Variants in OPRD1 observed in about 807,000 individuals in gnomAD.
The protein encoded by OPRD1 is delta-type opioid receptor.
In OPRD1, 19 loss-of-function variants were observed where a neutral mutation model predicts 17.5. That is an observed-to-expected ratio of 1.09 (90% CI 0.76 to 1.60). The LOEUF (loss-of-function observed/expected upper bound fraction) is 1.60, where lower values mean the gene tolerates loss of function less well. Ranked by LOEUF, OPRD1 falls within the 40% of genes most tolerant of loss-of-function variation. The probability of loss-of-function intolerance (pLI) is 0.00; values close to 1 mark genes in which losing one functional copy is unlikely to be tolerated. For missense variants in OPRD1, 483 were observed against 547.2 expected (o/e 0.88, Z 1.17); for synonymous variants, 256 against 240.9 (o/e 1.06, Z -0.58).
intron 1 of OPRD1, among the ~76,000 whole-genome samples, chr1:28,835,313 G>A (rs2236856): frequency 0.28 from 42,342 of 152,034 alleles, 6,163 homozygotes; most frequent in Middle Eastern, 0.42. Context: ...TGAGGTGAAC[G>A]AGGCATCTGT....
intron 1 of OPRD1, among the ~76,000 whole-genome samples, chr1:28,856,868 T>G (rs919974802): frequency 6.6e-6 from 1 of 152,166 alleles, no homozygotes; most frequent in Admixed American, 6.5e-5. Context: ...CCCTGTCACC[T>G]GCTCCGCTTC....
At chr1:28,848,800 G>A (rs987604824) in intron 1 of OPRD1, among the ~76,000 whole-genome samples, 2 of 152,148 alleles carry the variant, frequency 1.3e-5, no homozygotes, top group African/African-American at 2.4e-5. Context: ...AAATCACCTC[G>A]CCTCTTGTGT....
chr1:28,849,776 G>A (rs1272989668), intron 1 of OPRD1, among the ~76,000 whole-genome samples: 4 of 151,852 alleles, frequency 2.6e-5, no homozygotes, highest in African/African-American at 9.7e-5. Flanking sequence ...TTAAGAGAAG[G>A]TATCATGTCC....
At chr1:28,851,894 G>A (rs1458622444) in intron 1 of OPRD1, among the ~76,000 whole-genome samples, 3 of 146,368 alleles carry the variant, frequency 2.0e-5, no homozygotes, top group Admixed American at 6.8e-5. Flanking sequence ...GAAGCCGGGC[G>A]TGGTGGCTCA....
chr1:28,822,499 T>C (rs1378169405), intron 1 of OPRD1, among the ~76,000 whole-genome samples: 2 of 152,002 alleles, frequency 1.3e-5, no homozygotes, highest in Non-Finnish European at 2.9e-5. Flanking sequence ...TGATTGATTT[T>C]AGACGGAGTC....
At chr1:28,855,563 G>T (rs1258027857) in intron 1 of OPRD1, among the ~76,000 whole-genome samples, 2 of 152,134 alleles carry the variant, frequency 1.3e-5, no homozygotes, top group Non-Finnish European at 2.9e-5. Context: ...GGGAGAGAGG[G>T]GGGCCGTGAG....
intron 1 of OPRD1, among the ~76,000 whole-genome samples, chr1:28,839,504 C>T (rs2088878746): frequency 6.6e-6 from 1 of 152,188 alleles, no homozygotes; most frequent in Admixed American, 6.5e-5. Flanking sequence ...CAGCAATCCA[C>T]ACTGGATTTG....
chr1:28,862,524 T>C (rs2089132476), intron 2 of OPRD1, among the ~76,000 whole-genome samples: 1 of 152,204 alleles, frequency 6.6e-6, no homozygotes, highest in Admixed American at 6.5e-5. Context: ...GGGACCTCCC[T>C]GATGAGGGCC....
At chr1:28,861,428 G>A (rs2089117785) in intron 2 of OPRD1, among the ~76,000 whole-genome samples, 1 of 152,070 alleles carries the variant, frequency 6.6e-6, no homozygotes, top group South Asian at 2.1e-4. Flanking sequence ...CCTCCCAGAA[G>A]GAAGGAAGTT....
At chr1:28,850,028 C>T (rs529547983) in intron 1 of OPRD1, among the ~76,000 whole-genome samples, 6 of 152,010 alleles carry the variant, frequency 3.9e-5, no homozygotes, top group African/African-American at 1.2e-4. Context: ...TACAGGTGCC[C>T]GCCACTACGT....
chr1:28,846,837 C>CT (rs1200059295), intron 1 of OPRD1, among the ~76,000 whole-genome samples: 2 of 74,412 alleles, frequency 2.7e-5, no homozygotes, highest in Admixed American at 1.2e-4. Flanking sequence ...TTCTTTCTTT[C>CT]TTTCTTTCTT....
chr1:28,828,299 G>A (rs556654424), intron 1 of OPRD1, among the ~76,000 whole-genome samples: 24 of 152,242 alleles, frequency 1.6e-4, no homozygotes, highest in African/African-American at 5.3e-4. Flanking sequence ...GTCAATAAGC[G>A]ATAATATTTT....
Position 28,859,280 on chromosome 1 carries a change from T to C in OPRD1, c.554T>C (p.Val185Ala). 6.2e-7 allele frequency: 1 copy of C among 1,613,834 alleles called. No homozygotes were observed. The part of the protein sequence containing the change: ...LASGVGVPIM[V>A]MAVTRPRDGA... ...TCAGGCGTTGGCGTGCCCATCATGG[T>C]CATGGCTGTGACCCGTCCCCGGGGT... The change falls in exon 2 of 3, where the codon GTC (valine) becomes GCC (alanine). Residue 185 changes from valine to alanine, a missense_variant. Transcript: ENST00000234961.
chr1:28,815,989 T>A (rs1234066407), intron 1 of OPRD1, among the ~76,000 whole-genome samples: 1 of 152,010 alleles, frequency 6.6e-6, no homozygotes, highest in Non-Finnish European at 1.5e-5. Context: ...CTCATTAAAG[T>A]GGGAACACCA....
chr1:28,858,830 G>T, intron 1 of OPRD1, 124 bp from the exon 2 acceptor site: 1 of 918,148 alleles, frequency 1.1e-6, no homozygotes, highest in Non-Finnish European at 1.7e-6. Flanking sequence ...ACAGTTGTGA[G>T]GCACCATGCC....
At chr1:28,818,634 A>C (rs1341583098) in intron 1 of OPRD1, among the ~76,000 whole-genome samples, 1 of 152,160 alleles carries the variant, frequency 6.6e-6, no homozygotes, top group Non-Finnish European at 1.5e-5. Flanking sequence ...AAAGCAGGAA[A>C]GGCGTCGTAA....
At chr1:28,813,192 T>A (rs1288676828) in intron 1 of OPRD1, among the ~76,000 whole-genome samples, 1 of 152,224 alleles carries the variant, frequency 6.6e-6, no homozygotes, top group Non-Finnish European at 1.5e-5. Context: ...GTGACTGTTG[T>A]TTCTTGTCAA....
rs1553150754 is a variant in OPRD1 at position 28,846,846 on chromosome 1, TTTTCTTTCTTTC to T, written c.228-12072_228-12061del. Among the ~76,000 whole-genome samples, 401 of 76,950 alleles carry T rather than the reference TTTTCTTTCTTTC, an allele frequency of 5.2e-3. 1 individual carries two copies. The highest frequency in any genetic ancestry group is 9.1e-3 in the African/African-American group (243 of 26,618). The allele number at this position is 76,950 out of a possible 152,430, so 50.5% of individuals were successfully genotyped here. On this transcript the variant is annotated intron_variant, in intron 1 of 2. Transcript: ENST00000234961. Reference sequence around the variant, plus strand: ...TTTTCTTTCTTTCTTTCTTTCTTTCTTTTCTTTCTTTCTTTCTTTCTTTCTTTCTTTCTTTCT... The same window carrying T: ...TTTTCTTTCTTTCTTTCTTTCTTTCTTTTCTTTCTTTCTTTCTTTCTTTCT...
At chr1:28,840,417 A>G (rs1040595208) in intron 1 of OPRD1, among the ~76,000 whole-genome samples, 93 of 152,232 alleles carry the variant, frequency 6.1e-4, no homozygotes, top group African/African-American at 2.2e-3. Context: ...CTACCTGGCA[A>G]AAAGAGTATG....
Sources: gnomAD v4.1 joint callset for allele counts (sites outside exome capture counted in the v4.1 genomes callset) on GRCh38, gnomAD v4.1.1 for gene constraint, MANE v1.5 for transcripts, NCBI Gene and HGNC (gene_info 2026-07-23, HGNC 2026-07-21) for gene names.